EYS: variants seen among roughly 807,000 people sequenced by gnomAD.
The protein encoded by EYS is EGF-like photoreceptor maintenance factor.
Under a neutral mutation model 282.1 loss-of-function variants are expected in EYS, and 250 were observed. The observed-to-expected ratio is 0.89, with a 90% CI of 0.80 to 0.98. The LOEUF is 0.98. Among genes scored for constraint, EYS ranks in the 50% least tolerant of loss-of-function variants. The pLI is 0.00. For missense variants in EYS, 4,016 were observed against 3,709.0 expected (o/e 1.08, Z -2.15); for synonymous variants, 1,355 against 1,282.9 (o/e 1.06, Z -1.20).
At chr6:64,364,305 T>C (rs1772120571) in intron 29 of EYS, among the ~76,000 whole-genome samples, 1 of 151,952 alleles carries the variant, frequency 6.6e-6, no homozygotes, top group Non-Finnish European at 1.5e-5. Context: ...ACTCTTAGTT[T>C]TCTATAATAT....
chr6:64,694,203 T>G (rs996617169), intron 22 of EYS, among the ~76,000 whole-genome samples: 1 of 152,188 alleles, frequency 6.6e-6, no homozygotes, highest in Non-Finnish European at 1.5e-5. Context: ...CATGACTTAT[T>G]TACCTGTAAA....
intron 1 of EYS, among the ~76,000 whole-genome samples, chr6:65,667,632 G>A (rs1300557752): frequency 6.6e-6 from 1 of 151,686 alleles, no homozygotes; most frequent in Non-Finnish European, 1.5e-5. Flanking sequence ...CATTACTCTT[G>A]TAGCATATTA....
At chr6:64,900,617 A>G (rs1183517693) in intron 18 of EYS, among the ~76,000 whole-genome samples, 1 of 152,240 alleles carries the variant, frequency 6.6e-6, no homozygotes. Context: ...GCAGGCAACA[A>G]ATATATGAAA....
At chr6:64,279,209 G>T (rs1350666377) in intron 30 of EYS, among the ~76,000 whole-genome samples, 3 of 152,136 alleles carry the variant, frequency 2.0e-5, no homozygotes, top group African/African-American at 7.2e-5. Flanking sequence ...TACAGTAAAA[G>T]AAACATTAAT....
intron 22 of EYS, among the ~76,000 whole-genome samples, chr6:64,730,583 A>G (rs1175477047): frequency 6.6e-5 from 10 of 152,172 alleles, no homozygotes; most frequent in Middle Eastern, 3.4e-3. Flanking sequence ...GGTTCAAGCA[A>G]TTCTCCTGCC....
chr6:64,767,824 G>A (rs1773401191), intron 22 of EYS, among the ~76,000 whole-genome samples: 1 of 152,052 alleles, frequency 6.6e-6, no homozygotes, highest in African/African-American at 2.4e-5. Context: ...TGGATCATAT[G>A]TTAGTTCAAG....
At chr6:65,181,361 G>GA (rs1196371376) in intron 12 of EYS, among the ~76,000 whole-genome samples, 1 of 151,806 alleles carries the variant, frequency 6.6e-6, no homozygotes, top group Non-Finnish European at 1.5e-5. Flanking sequence ...AAATTTACAA[G>GA]AAAAAAACAA....
At chr6:64,922,619 G>A (rs1425773415) in intron 15 of EYS, among the ~76,000 whole-genome samples, 2 of 152,088 alleles carry the variant, frequency 1.3e-5, no homozygotes, top group East Asian at 3.9e-4. Flanking sequence ...AAAAATAGAG[G>A]ATAAATTAAA....
At chr6:65,033,071 T>A (rs1044151964) in intron 13 of EYS, among the ~76,000 whole-genome samples, 1 of 152,154 alleles carries the variant, frequency 6.6e-6, no homozygotes, top group African/African-American at 2.4e-5. Flanking sequence ...TGTGGAGGTA[T>A]GAAATCAAGA....
chr6:64,473,531 C>A (rs1451226185), intron 26 of EYS, among the ~76,000 whole-genome samples: 1 of 152,128 alleles, frequency 6.6e-6, no homozygotes, highest in Non-Finnish European at 1.5e-5. Context: ...ACATGGAAAT[C>A]TTTAAGCCAT....
chr6:63,838,239 C>CT (rs1455884821), intron 36 of EYS, among the ~76,000 whole-genome samples: 1 of 147,094 alleles, frequency 6.8e-6, no homozygotes, highest in Non-Finnish European at 1.5e-5. Context: ...TTTTTTCTGT[C>CT]TTTTAGCCTG....
chr6:64,827,623 CTT>C (rs1191906090), intron 19 of EYS, among the ~76,000 whole-genome samples: 1 of 151,716 alleles, frequency 6.6e-6, no homozygotes, highest in African/African-American at 2.4e-5. Context: ...AATTTATGGA[CTT>C]AAGAATCAGT....
intron 26 of EYS, among the ~76,000 whole-genome samples, chr6:64,509,838 A>G (rs1777328245): frequency 6.6e-6 from 1 of 152,200 alleles, no homozygotes; most frequent in Admixed American, 6.5e-5. Flanking sequence ...AACTTTTGTT[A>G]GTGCTACTTT....
intron 29 of EYS, among the ~76,000 whole-genome samples, chr6:64,381,489 T>C (rs1158813458): frequency 1.3e-5 from 2 of 152,194 alleles, no homozygotes; most frequent in East Asian, 1.9e-4. Flanking sequence ...CTCTTCCATG[T>C]TATTTTTTTG....
intron 2 of EYS, among the ~76,000 whole-genome samples, chr6:65,524,812 T>C (rs1349525959): frequency 6.6e-6 from 1 of 152,252 alleles, no homozygotes; most frequent in East Asian, 1.9e-4. Context: ...AAGTATCTAA[T>C]ATAGCAAGAA....
At chr6:64,766,390 T>C (rs1314265725) in intron 22 of EYS, among the ~76,000 whole-genome samples, 3 of 149,940 alleles carry the variant, frequency 2.0e-5, no homozygotes, top group African/African-American at 4.9e-5. Context: ...TCCCAGCACT[T>C]TGGGAGACTG....
chr6:64,912,286 T>G lies in EYS; in HGVS notation c.2641+198A>C, dbSNP rs10046141. Among the ~76,000 whole-genome samples the G allele has an allele frequency of 0.66, 100,736 of 151,772 alleles. 34,817 individuals are homozygous for G. Among genetic ancestry groups the G allele is most frequent in the African/African-American group, 0.87 (36,093 of 41,432 alleles). Reference sequence around the variant, plus strand: ...CACTCTTTTCCCTCTTCCCAATGGTTAATTCTTAGATTAACTCCTTTGGTG... The same window carrying G: ...CACTCTTTTCCCTCTTCCCAATGGTGAATTCTTAGATTAACTCCTTTGGTG... On this transcript the variant is annotated intron_variant, in intron 16 of 42. Transcript: ENST00000503581.
chr6:65,451,499 T>C (rs1764396778), intron 5 of EYS, among the ~76,000 whole-genome samples: 1 of 152,088 alleles, frequency 6.6e-6, no homozygotes, highest in Non-Finnish European at 1.5e-5. Flanking sequence ...ATCTGAAAGA[T>C]ACACAATCAC....
intron 11 of EYS, among the ~76,000 whole-genome samples, chr6:65,328,703 C>A (rs1769692728): frequency 1.3e-5 from 2 of 150,594 alleles, no homozygotes; most frequent in Admixed American, 6.6e-5. Context: ...AGGTAAAATT[C>A]TATAAGTTAA....
Sources: gnomAD v4.1 joint callset for allele counts (sites outside exome capture counted in the v4.1 genomes callset) on GRCh38, gnomAD v4.1.1 for gene constraint, MANE v1.5 for transcripts, NCBI Gene and HGNC (gene_info 2026-07-23, HGNC 2026-07-21) for gene names.